The following ST3GAL1 variants were observed in gnomAD, a reference collection of about 807,000 sequenced individuals.
ST3GAL1 encodes ST3 beta-galactoside alpha-2,3-sialyltransferase 1.
ST3GAL1 carries 16 observed loss-of-function variants against 34.1 expected under a neutral mutation model. The observed-to-expected ratio is 0.47, with a 90% confidence interval of 0.32 to 0.71. The LOEUF is 0.71. Among genes scored for constraint, ST3GAL1 ranks in the 30% least tolerant of loss-of-function variants. The pLI is 0.04. For missense variants in ST3GAL1, 353 were observed against 447.4 expected (o/e 0.79, Z 1.90); for synonymous variants, 191 against 184.7 (o/e 1.03, Z -0.28).
chr8:133,479,578 T>C (rs530515535), intron 3 of ST3GAL1, among the ~76,000 whole-genome samples: 1 of 152,314 alleles, frequency 6.6e-6, no homozygotes, highest in Admixed American at 6.5e-5. Context: ...CAGATGACTG[T>C]TGATCCGTGT....
intron 2 of ST3GAL1, among the ~76,000 whole-genome samples, chr8:133,544,263 GC>G (rs1186466857): frequency 1.2e-4 from 19 of 152,154 alleles, no homozygotes; most frequent in African/African-American, 4.6e-4. Context: ...ACTTGCACTG[GC>G]TTATGCACCA....
chr8:133,479,064 C>T (rs536660879), intron 3 of ST3GAL1, among the ~76,000 whole-genome samples: 46 of 152,186 alleles, frequency 3.0e-4, no homozygotes, highest in African/African-American at 7.2e-4. Context: ...CTAGCCCTTC[C>T]GAACCATCCC....
intron 3 of ST3GAL1, among the ~76,000 whole-genome samples, chr8:133,493,457 G>T (rs1029724987): frequency 5.9e-5 from 9 of 152,142 alleles, no homozygotes; most frequent in African/African-American, 1.9e-4. Flanking sequence ...GTGGGTGGAG[G>T]GTGCACATGA....
Position 133,485,103 on chromosome 8 carries a change from G to T in ST3GAL1, c.-373-8503C>A, listed in dbSNP as rs564642788. ...CACCCTGTTTCTTGCTGCCAGCAGG[G>T]GTTCCTATGCTGGCCACTGTCTACA... On this transcript the variant is annotated intron_variant, in intron 3 of 9. Transcript: ENST00000522652. 4.6e-5 allele frequency among the ~76,000 whole-genome samples: 7 copies of T among 152,284 alleles called. No individual in the cohort carries two copies. In the South Asian group the frequency reaches 1.4e-3, roughly 32 times the overall value.
chr8:133,461,961 C>T lies in ST3GAL1; in HGVS notation c.763G>A (p.Val255Ile), dbSNP rs370371672. 6 of 1,614,036 alleles carry T rather than the reference C, an allele frequency of 3.7e-6. No homozygotes were observed. Among genetic ancestry groups the T allele is most frequent in the Non-Finnish European group, 5.1e-6 (6 of 1,180,028 alleles). The change falls in exon 9 of 10, where the codon GTC (valine) becomes ATC (isoleucine). Residue 255 changes from valine (V) to isoleucine (I), a missense_variant. Transcript: ENST00000522652. The surrounding 1 kb of genome is among the most constrained non-coding windows in gnomAD (Gnocchi z 4.7). ...TGCCCTTGCAGCCAGTTGTCAAAGA[C>T]ATACTTGATGAAGGCTGGGTGGTAG... ...LIYHPAFIKY[V>I]FDNWLQGHGR...
intron 2 of ST3GAL1, among the ~76,000 whole-genome samples, chr8:133,529,745 T>G (rs1233252981): frequency 1.3e-5 from 2 of 152,208 alleles, no homozygotes; most frequent in Non-Finnish European, 1.5e-5. Context: ...CCTCATGCAC[T>G]GCCCAGGTTC....
chr8:133,569,530 AAG>A (rs1255903010), intron 1 of ST3GAL1, among the ~76,000 whole-genome samples: 1 of 152,178 alleles, frequency 6.6e-6, no homozygotes, highest in Non-Finnish European at 1.5e-5. Flanking sequence ...CTGGCGACCA[AAG>A]AGAGACAGAG....
intron 3 of ST3GAL1, among the ~76,000 whole-genome samples, chr8:133,491,884 G>A (rs1437122538): frequency 6.6e-6 from 1 of 152,078 alleles, no homozygotes; most frequent in East Asian, 1.9e-4. Context: ...CCCCATACCT[G>A]GGCCCCAGAG....
chr8:133,503,936 G>A (rs1368258542), intron 2 of ST3GAL1, among the ~76,000 whole-genome samples: 3 of 152,200 alleles, frequency 2.0e-5, no homozygotes, highest in African/African-American at 4.8e-5. Context: ...CTTACAGTAG[G>A]TGCTCCCTCA....
At position 133,506,740 on chromosome 8, in the gene ST3GAL1, G is replaced by A. The variant is rs374507007; in HGVS notation, c.-428-7551C>T. Reference sequence around the variant, plus strand: ...GCGGAGGTTGCAGTAAGCCGAGATCGTGCCATTGCACTCCAGCTTGGGGGA... The same window carrying A: ...GCGGAGGTTGCAGTAAGCCGAGATCATGCCATTGCACTCCAGCTTGGGGGA... On this transcript the variant is annotated intron_variant, in intron 2 of 9. Coordinates refer to ENST00000522652, the MANE Select transcript of ST3GAL1 (RefSeq NM_173344.3). Among the ~76,000 whole-genome samples the A allele has an allele frequency of 2.4e-4, 36 of 151,794 alleles. No homozygotes were observed. The East Asian group carries it at 3.3e-3, about 14-fold the overall frequency.
chr8:133,500,471 A>G (rs1817113649), intron 2 of ST3GAL1, among the ~76,000 whole-genome samples: 1 of 152,166 alleles, frequency 6.6e-6, no homozygotes, highest in African/African-American at 2.4e-5. Flanking sequence ...CTTTTCCCCA[A>G]CACTGCAGGG....
rs1487820923 is a variant in ST3GAL1 at position 133,454,881 on chromosome 8, A to G, written c.*4883T>C. The G allele has an allele frequency of 6.6e-6, 1 of 152,222 alleles. No individual in the cohort carries two copies. Among genetic ancestry groups the G allele is most frequent in the Non-Finnish European group, 1.5e-5 (1 of 68,038 alleles). 9.4% of individuals were successfully genotyped at this position (152,222 alleles called of 1,614,324 possible). On this transcript the variant is annotated 3_prime_UTR_variant, in exon 10 of 10. Coordinates refer to ENST00000522652, the MANE Select transcript of ST3GAL1 (RefSeq NM_173344.3). The stretch of plus-strand genomic sequence containing the variant: ...AATAGCTCTTTGTTTATTCACTTTG[A>G]TTTGGATCATTGGAAATATTAAACA...
chr8:133,522,676 C>T (rs1341749569), intron 2 of ST3GAL1, among the ~76,000 whole-genome samples: 1 of 152,158 alleles, frequency 6.6e-6, no homozygotes, highest in Non-Finnish European at 1.5e-5. Context: ...CTAGTTAACC[C>T]CTGAGAGCCT....
Position 133,491,464 on chromosome 8 carries a change from G to A in ST3GAL1, c.-374+7671C>T, listed in dbSNP as rs905090608. The stretch of plus-strand genomic sequence containing the variant: ...TTACACCTGCCCTCAGGCATCTGTC[G>A]CTGGTTCTAAAACCCTCAGCATAAA... On this transcript the variant is annotated intron_variant, in intron 3 of 9. Transcript: ENST00000522652. Among the ~76,000 whole-genome samples the A allele has an allele frequency of 5.3e-5, 8 of 152,248 alleles. No individual in the cohort carries two copies. In the East Asian group the frequency reaches 7.8e-4, roughly 15 times the overall value.
intron 1 of ST3GAL1, among the ~76,000 whole-genome samples, chr8:133,547,158 A>C (rs1487853404): frequency 6.6e-6 from 1 of 152,180 alleles, no homozygotes; most frequent in Non-Finnish European, 1.5e-5. Context: ...ATGAGGGAGA[A>C]TCGAAGTTTG....
At chr8:133,555,308 T>C (rs9694865) in intron 1 of ST3GAL1, among the ~76,000 whole-genome samples, 138,550 of 152,128 alleles carry the variant, frequency 0.91, 63,187 homozygotes, top group East Asian at 0.99. Context: ...TTGCTCCCCC[T>C]GCCGTTGTCA....
In ST3GAL1 at chr8:133,459,918, C is replaced by G. The variant is rs1815434408; in HGVS notation, c.869G>C (p.Gly290Ala). ...VCDEVDLYGF[G>A]ADSKGNWHHY... ...GTGCCAGTTCCCTTTGCTGTCTGCC[C>G]CGAAGCCGTACAAGTCCACCTGTGG... The change falls in exon 10 of 10, where the codon GGG becomes GCG. Residue 290 changes from glycine (G) to alanine (A), a missense_variant. Coordinates refer to ENST00000522652, the MANE Select transcript of ST3GAL1 (RefSeq NM_173344.3). The surrounding 1 kb of genome is among the most constrained non-coding windows in gnomAD (Gnocchi z 4.7). The G allele has an allele frequency of 5.6e-6, 9 of 1,613,104 alleles. No homozygotes were observed. Among genetic ancestry groups the G allele is most frequent in the Non-Finnish European group, 7.6e-6 (9 of 1,179,462 alleles).
At chr8:133,526,443 G>T (rs1331990724) in intron 2 of ST3GAL1, among the ~76,000 whole-genome samples, 1 of 152,162 alleles carries the variant, frequency 6.6e-6, no homozygotes, top group African/African-American at 2.4e-5. Flanking sequence ...GAAGGGTTTT[G>T]TCTAATCAAA....
chr8:133,511,793 C>T (rs1817505711), intron 2 of ST3GAL1, among the ~76,000 whole-genome samples: 1 of 152,144 alleles, frequency 6.6e-6, no homozygotes, highest in Admixed American at 6.5e-5. Flanking sequence ...GTGGCTCATG[C>T]CTGTAATCCC....
Sources: allele counts gnomAD v4.1 joint callset (sites outside exome capture counted in the v4.1 genomes callset), GRCh38; gene constraint gnomAD v4.1.1; non-coding constraint Gnocchi (gnomAD v3.1); transcripts MANE v1.5; gene names NCBI Gene and HGNC (gene_info 2026-07-23, HGNC 2026-07-21).